MYO5B: variants seen among roughly 807,000 people sequenced by gnomAD.
MYO5B encodes unconventional myosin-Vb.
In MYO5B, 143 loss-of-function variants were observed where a neutral mutation model predicts 229.3. The observed-to-expected ratio is 0.62, with a 90% CI of 0.54 to 0.72. The LOEUF (loss-of-function observed/expected upper bound fraction) is 0.72, where lower values mean the gene tolerates loss of function less well. Ranked by LOEUF, MYO5B falls within the 30% of genes least tolerant of loss-of-function variation. MYO5B has a pLI of 0.00. For synonymous variants in MYO5B, 918 were observed against 885.2 expected (o/e 1.04, Z -0.66); for missense variants, 2,321 against 2,331.0 (o/e 1.00, Z 0.09).
At chr18:50,057,836 G>T (rs904131398) in intron 1 of MYO5B, among the ~76,000 whole-genome samples, 1 of 152,084 alleles carries the variant, frequency 6.6e-6, no homozygotes, top group African/African-American at 2.4e-5. Context: ...TAGAAGCATA[G>T]AATTTCAGCT....
In MYO5B at chr18:49,932,666, AAAAC is replaced by A. The variant is rs369317526; in HGVS notation, c.2004-3072_2004-3069del. On this transcript the variant is annotated intron_variant, in intron 16 of 39. Coordinates refer to ENST00000285039, the MANE Select transcript of MYO5B (RefSeq NM_001080467.3). ...TGGTGGCTGTAATGACTATGTTACA[AAAAC>A]AAACAAACAAACAAACAAAAAAACA... Among the ~76,000 whole-genome samples the A allele has an allele frequency of 5.9e-4, 90 of 152,288 alleles. 1 individual carries two copies. The highest frequency in any genetic ancestry group is 1.8e-3 in the African/African-American group (75 of 41,574).
At chr18:50,042,215 C>T (rs949568622) in intron 2 of MYO5B, among the ~76,000 whole-genome samples, 12 of 151,904 alleles carry the variant, frequency 7.9e-5, no homozygotes, top group Non-Finnish European at 1.6e-4. Flanking sequence ...CACAAATGAG[C>T]CAAGATATGG....
At chr18:50,130,017 T>C (rs2032229118) in intron 1 of MYO5B, among the ~76,000 whole-genome samples, 1 of 152,040 alleles carries the variant, frequency 6.6e-6, no homozygotes, top group Non-Finnish European at 1.5e-5. Context: ...AGCTCAGAGC[T>C]CTCTACCCTA....
At chr18:49,879,302 C>G in intron 23 of MYO5B, 1 of 600,948 alleles carries the variant, frequency 1.7e-6, no homozygotes, top group Non-Finnish European at 2.9e-6. Flanking sequence ...AAAGACCCTG[C>G]TCTCAGGGAA....
intron 4 of MYO5B, among the ~76,000 whole-genome samples, chr18:50,008,952 T>C (rs894537257): frequency 1.3e-5 from 2 of 152,178 alleles, no homozygotes; most frequent in African/African-American, 4.8e-5. Flanking sequence ...AGAGAATACA[T>C]AGAATTTTAA....
At chr18:49,974,751 T>C (rs2025727399) in intron 9 of MYO5B, 136 bp from the exon 10 acceptor site, 1 of 784,450 alleles carries the variant, frequency 1.3e-6, no homozygotes, top group Non-Finnish European at 1.9e-6. Flanking sequence ...TCCCAGCACA[T>C]GCCCTGCTGC....
chr18:50,084,746 C>T (rs990579156), intron 1 of MYO5B, among the ~76,000 whole-genome samples: 6 of 152,278 alleles, frequency 3.9e-5, no homozygotes, highest in African/African-American at 1.4e-4. Flanking sequence ...ACACAGCCCT[C>T]AGAAATAATG....
intron 33 of MYO5B, among the ~76,000 whole-genome samples, chr18:49,844,225 A>G (rs2024098058): frequency 6.6e-6 from 1 of 152,210 alleles, no homozygotes; most frequent in Non-Finnish European, 1.5e-5. Flanking sequence ...ATTCCAGACC[A>G]TGCCAGCTGA....
At chr18:49,849,690 G>A in intron 31 of MYO5B, 30 bp from the exon 32 acceptor site, 1 of 1,558,376 alleles carries the variant, frequency 6.4e-7, no homozygotes, top group Non-Finnish European at 8.8e-7. Context: ...TGTGAGAACA[G>A]ACATCAGCCC....
At chr18:49,968,876 G>A (rs1336245764) in intron 10 of MYO5B, among the ~76,000 whole-genome samples, 1 of 152,184 alleles carries the variant, frequency 6.6e-6, no homozygotes, top group Non-Finnish European at 1.5e-5. Flanking sequence ...CATAGTGTGG[G>A]AGTACTGGCA....
chr18:50,031,877 A>C (rs2026393358), intron 4 of MYO5B, among the ~76,000 whole-genome samples: 1 of 152,226 alleles, frequency 6.6e-6, no homozygotes, highest in Non-Finnish European at 1.5e-5. Flanking sequence ...TATGATTTGC[A>C]AACCCAGCAT....
rs532476328 is a variant in MYO5B, at chr18:50,175,941, C to T, written c.27+18826G>A. Among the ~76,000 whole-genome samples the T allele has an allele frequency of 3.3e-5, 5 of 152,344 alleles. No homozygotes were observed. In the South Asian group the frequency reaches 8.3e-4, roughly 25 times the overall value. On this transcript the variant is annotated intron_variant, in intron 1 of 39. Transcript: ENST00000285039. ...CTGGTCATACTGCTTTTTGGAAGAA[C>T]TCAGAGAGGAAATACATGAATTCCA...
Position 49,967,133 on chromosome 18 carries a change from G to A in MYO5B, c.1323-4103C>T, listed in dbSNP as rs902402527. On this transcript the variant is annotated intron_variant, in intron 10 of 39. Transcript: ENST00000285039. ...AAGGTCAAAACATAGAGTAAGAATC[G>A]ATGCTGAAATGTGGCATCTGGTCTC... Among the ~76,000 whole-genome samples the A allele has an allele frequency of 4.6e-5, 7 of 152,232 alleles. No individual in the cohort carries two copies. In the South Asian group the frequency reaches 6.3e-4, roughly 14 times the overall value.
chr18:50,118,061 T>G (rs1423633955), intron 1 of MYO5B, among the ~76,000 whole-genome samples: 1 of 152,190 alleles, frequency 6.6e-6, no homozygotes, highest in African/African-American at 2.4e-5. Context: ...ATGGCCTTTT[T>G]ATTAGTGACT....
intron 1 of MYO5B, among the ~76,000 whole-genome samples, chr18:50,132,760 T>C (rs1490814522): frequency 6.6e-6 from 1 of 152,200 alleles, no homozygotes; most frequent in African/African-American, 2.4e-5. Context: ...TTAAACATAG[T>C]TAAGTGGGAG....
chr18:50,147,732 A>G (rs1000084982), intron 1 of MYO5B, among the ~76,000 whole-genome samples: 4 of 152,154 alleles, frequency 2.6e-5, no homozygotes, highest in Admixed American at 2.0e-4. Flanking sequence ...ACTCTTTTGT[A>G]TAAAGGCCCT....
chr18:49,992,545 TCTGTTCTTGGGATGA>T, intron 5 of MYO5B, 114 bp from the exon 6 acceptor site: 1 of 1,468,664 alleles, frequency 6.8e-7, no homozygotes, highest in Non-Finnish European at 9.5e-7. Flanking sequence ...ACAGAAACCC[TCTGTTCTTGGGATGA>T]CAATGAACTG....
At chr18:49,886,038 C>T (rs1165270182) in intron 22 of MYO5B, among the ~76,000 whole-genome samples, 1 of 152,092 alleles carries the variant, frequency 6.6e-6, no homozygotes, top group East Asian at 1.9e-4. Flanking sequence ...TCCCCAGGCT[C>T]TGGTGATCCT....
chr18:50,014,585 G>C (rs1410569686), intron 4 of MYO5B, among the ~76,000 whole-genome samples: 1 of 152,160 alleles, frequency 6.6e-6, no homozygotes, highest in African/African-American at 2.4e-5. Context: ...CCTATCTCCT[G>C]CAGTAAATGA....
Sources: gnomAD v4.1 joint callset for allele counts (sites outside exome capture counted in the v4.1 genomes callset) on GRCh38, gnomAD v4.1.1 for gene constraint, MANE v1.5 for transcripts, NCBI Gene and HGNC (gene_info 2026-07-23, HGNC 2026-07-21) for gene names.